The following PTPN21 variants were observed in gnomAD, a reference collection of about 807,000 sequenced individuals.
The protein encoded by PTPN21 is protein tyrosine phosphatase non-receptor type 21.
PTPN21 carries 77 observed loss-of-function variants against 131.8 expected under a neutral mutation model. That is an observed-to-expected ratio of 0.58 (90% CI 0.49 to 0.71). The LOEUF (loss-of-function observed/expected upper bound fraction) is 0.71, where lower values mean the gene tolerates loss of function less well. PTPN21 is among the 30% of genes least tolerant of loss of function. The pLI is 0.00. For missense variants in PTPN21, 1,552 were observed against 1,527.1 expected, an observed-to-expected ratio of 1.02 and a Z score of -0.27; for synonymous variants, 715 against 621.3, an observed-to-expected ratio of 1.15 and a Z score of -2.24.
chr14:88,488,386 A>G (rs979634270), intron 10 of PTPN21, among the ~76,000 whole-genome samples: 2 of 152,206 alleles, frequency 1.3e-5, no homozygotes, highest in African/African-American at 4.8e-5. Flanking sequence ...TAAGAAAACA[A>G]ACTACAAAAG....
At chr14:88,531,657 T>TA (rs2078556818) in intron 2 of PTPN21, among the ~76,000 whole-genome samples, 1 of 152,050 alleles carries the variant, frequency 6.6e-6, no homozygotes. Flanking sequence ...ATTAAATGCC[T>TA]GTATCAAAAA....
At chr14:88,489,109 T>C (rs949391125) in intron 10 of PTPN21, among the ~76,000 whole-genome samples, 4 of 152,196 alleles carry the variant, frequency 2.6e-5, no homozygotes, top group Middle Eastern at 3.4e-3. Flanking sequence ...TCCAACCTGC[T>C]CCCCAACCCC....
rs2077693393 is a variant in PTPN21, at chr14:88,484,041, T to C, written c.1078+1035A>G. The stretch of plus-strand genomic sequence containing the variant: ...TGTCTTATCTTAAACTATTAGATTC[T>C]AAGGTGTTTTTTTTTTTTTTGAGAT... On this transcript the variant is annotated intron_variant, in intron 12 of 18. Coordinates refer to ENST00000556564, the MANE Select transcript of PTPN21 (RefSeq NM_007039.4). Among the ~76,000 whole-genome samples, 3 of 141,114 alleles carry C rather than the reference T, an allele frequency of 2.1e-5. No homozygotes were observed. The South Asian group carries it at 7.2e-4, about 34-fold the overall frequency. 92.6% of individuals were successfully genotyped at this position (141,114 alleles called of 152,430 possible).
At chr14:88,491,874 C>A (rs759975250) in intron 10 of PTPN21, among the ~76,000 whole-genome samples, 1 of 152,122 alleles carries the variant, frequency 6.6e-6, no homozygotes, top group Non-Finnish European at 1.5e-5. Flanking sequence ...ATAGCATATG[C>A]AACTGATGAC....
intron 13 of PTPN21, among the ~76,000 whole-genome samples, chr14:88,477,276 A>G (rs2077559660): frequency 6.6e-6 from 1 of 151,896 alleles, no homozygotes; most frequent in Non-Finnish European, 1.5e-5. Context: ...ATTAAAAGAA[A>G]GCAAATTTAG....
chr14:88,470,030 T>C lies in PTPN21; in HGVS notation c.2892A>G (p.Glu964=). 6.2e-7 allele frequency: 1 copy of C among 1,613,360 alleles called. No homozygotes were observed. The highest frequency in any genetic ancestry group is 8.5e-7 in the Non-Finnish European group (1 of 1,179,372). Residue 964 remains glutamate (E), a synonymous_variant, in exon 16 of 19, where the codon GAA becomes GAG. Coordinates refer to ENST00000556564, the MANE Select transcript of PTPN21 (RefSeq NM_007039.4). The part of the protein sequence containing the change: ...SHIKVSVSGI[E]WDYIATQGPL... The stretch of plus-strand genomic sequence containing the variant: ...GTCCCTGTGTGGCAATATAATCCCA[T>C]TCGATTCCACTGACAGAGACCTGGG...
At chr14:88,495,203 C>G (rs1015109316) in intron 10 of PTPN21, among the ~76,000 whole-genome samples, 1 of 152,074 alleles carries the variant, frequency 6.6e-6, no homozygotes, top group Admixed American at 6.6e-5. Flanking sequence ...GCTGTTAACA[C>G]GAGTGGTAAA....
chr14:88,533,839 A>G (rs2078588390), intron 2 of PTPN21, among the ~76,000 whole-genome samples: 1 of 152,088 alleles, frequency 6.6e-6, no homozygotes, highest in Admixed American at 6.6e-5. Context: ...CCACTGCACT[A>G]CAGCCTGGGT....
chr14:88,545,185 T>A (rs2078759121), intron 2 of PTPN21, among the ~76,000 whole-genome samples: 1 of 152,220 alleles, frequency 6.6e-6, no homozygotes, highest in South Asian at 2.1e-4. Context: ...TGATTCCATG[T>A]TCACCAAGAA....
intron 2 of PTPN21, among the ~76,000 whole-genome samples, chr14:88,519,688 C>T (rs1407591516): frequency 1.3e-5 from 2 of 152,148 alleles, no homozygotes; most frequent in Non-Finnish European, 2.9e-5. Context: ...ATAAATTCAA[C>T]AAGAGTGAAG....
At chr14:88,498,807 C>A (rs991929278) in intron 8 of PTPN21, among the ~76,000 whole-genome samples, 1 of 151,892 alleles carries the variant, frequency 6.6e-6, no homozygotes, top group Non-Finnish European at 1.5e-5. Context: ...CTAATTTTAT[C>A]GTATTAGCTT....
intron 7 of PTPN21, 31 bp from the exon 8 acceptor site, chr14:88,500,902 C>T (rs2077998224): frequency 6.6e-7 from 1 of 1,523,658 alleles, no homozygotes. Flanking sequence ...AAGAAACACC[C>T]AGGAAGCAGA....
chr14:88,495,322 G>A (rs1430614156), intron 10 of PTPN21, among the ~76,000 whole-genome samples: 2 of 152,162 alleles, frequency 1.3e-5, no homozygotes, highest in Non-Finnish European at 2.9e-5. Flanking sequence ...GAGTGGTATT[G>A]AGGACTAAGC....
At chr14:88,506,580 C>T (rs2078092825) in intron 4 of PTPN21, among the ~76,000 whole-genome samples, 1 of 152,100 alleles carries the variant, frequency 6.6e-6, no homozygotes, top group Non-Finnish European at 1.5e-5. Context: ...ACCCAGCCAT[C>T]TTTATCTATT....
chr14:88,527,371 G>A (rs953771657), intron 2 of PTPN21, among the ~76,000 whole-genome samples: 1 of 152,108 alleles, frequency 6.6e-6, no homozygotes, highest in African/African-American at 2.4e-5. Flanking sequence ...AGGTGGTATA[G>A]CATTGTGGTT....
chr14:88,472,462 T>C lies in PTPN21; in HGVS notation c.2653A>G (p.Lys885Glu). 1 of 1,597,744 alleles carries C rather than the reference T, an allele frequency of 6.3e-7. No individual in the cohort carries two copies. Residue 885 changes from lysine to glutamate, a missense_variant, in exon 15 of 19, where the codon AAA (lysine) becomes GAA (glutamate). Lys to Glu is a moderately conservative substitution (Grantham distance 56). Coordinates refer to ENST00000556564, the MANE Select transcript of PTPN21 (RefSeq NM_007039.4). The part of the protein sequence containing the change: ...ATRATNDERC[K>E]ILEQRLEQGM... ...TGTTCTAATCGTTGTTCCAGAATTT[T>C]ACACTATAAAACAGAATATGTGTAA... is the stretch of plus-strand genomic sequence containing the variant.
chr14:88,514,550 C>T (rs564718468), intron 3 of PTPN21, among the ~76,000 whole-genome samples: 44 of 151,854 alleles, frequency 2.9e-4, no homozygotes, highest in Admixed American at 4.6e-4. Flanking sequence ...CTGCAACCTC[C>T]GCCTCCCGAG....
intron 3 of PTPN21, among the ~76,000 whole-genome samples, chr14:88,510,693 T>C (rs2078164487): frequency 6.6e-6 from 1 of 152,224 alleles, no homozygotes; most frequent in African/African-American, 2.4e-5. Context: ...GTTCAACCCT[T>C]CTGTGTCTTG....
chr14:88,476,501 A>C (rs924511910), intron 13 of PTPN21, among the ~76,000 whole-genome samples: 3 of 152,172 alleles, frequency 2.0e-5, no homozygotes, highest in Non-Finnish European at 4.4e-5. Flanking sequence ...AATAAAAGCA[A>C]ATCTTTGGTT....
Sources: allele counts gnomAD v4.1 joint callset (sites outside exome capture counted in the v4.1 genomes callset), GRCh38; gene constraint gnomAD v4.1.1; transcripts MANE v1.5; gene names NCBI Gene and HGNC (gene_info 2026-07-23, HGNC 2026-07-21).